The following NOTCH3 variants were observed in gnomAD, a reference collection of about 807,000 sequenced individuals.
The protein encoded by NOTCH3 is notch receptor 3.
Under a neutral mutation model 213.3 loss-of-function variants are expected in NOTCH3, and 86 were observed. That is an observed-to-expected ratio of 0.40 (90% CI 0.34 to 0.48). NOTCH3 has a LOEUF of 0.48. Among genes scored for constraint, NOTCH3 ranks in the 20% least tolerant of loss-of-function variants. NOTCH3 has a pLI of 0.57. For synonymous variants in NOTCH3, 1,354 were observed against 1,355.9 expected, an observed-to-expected ratio of 1.00 and a Z score of 0.03; for missense variants, 2,783 against 3,272.6, an observed-to-expected ratio of 0.85 and a Z score of 3.65.
In NOTCH3 at chr19:15,170,689, G is replaced by T. The variant is rs999453406; in HGVS notation, c.4873C>A (p.Pro1625Thr). Reference protein sequence around the residue: ...SAVERLDFPYPLRDVRGEPLE... With the variant: ...SAVERLDFPYTLRDVRGEPLE... ...GCCGCACCCCGCACGTCCCGCAGTG[G>T]GTACGGGAAGTCCAGGCGCTCCACC... Residue 1625 changes from proline (P) to threonine (T), a missense_variant, in exon 26 of 33, where the codon CCA (proline) becomes ACA (threonine). By Grantham distance (38) the Pro-to-Thr change is conservative. Transcript: ENST00000263388. The T allele has an allele frequency of 6.3e-7, 1 of 1,586,042 alleles. No individual in the cohort carries two copies. The highest frequency in any genetic ancestry group is 1.3e-5 in the African/African-American group (1 of 74,516).
rs559237992 is a variant in NOTCH3, at chr19:15,187,583, C to T, written c.1607-245G>A. Among the ~76,000 whole-genome samples the T allele has an allele frequency of 1.3e-4, 20 of 151,894 alleles. No homozygotes were observed. In the South Asian group the frequency reaches 4.2e-3, roughly 32 times the overall value. On this transcript the variant is annotated intron_variant, in intron 10 of 32. Coordinates refer to ENST00000263388, the MANE Select transcript of NOTCH3 (RefSeq NM_000435.3). ...ATCCCGCCCCCAGCTGTGGCCCCAC[C>T]TCCAGCCCTGTTTCTGCCCCACCCT...
intron 31 of NOTCH3, among the ~76,000 whole-genome samples, chr19:15,163,194 C>G (rs143895632): frequency 6.6e-6 from 1 of 152,264 alleles, no homozygotes. Context: ...CATGAGCCAC[C>G]GTGCCCAACC....
intron 31 of NOTCH3, 34 bp from the exon 32 acceptor site, chr19:15,162,596 G>C (rs201600867): frequency 9.6e-6 from 15 of 1,566,274 alleles, no homozygotes; most frequent in Non-Finnish European, 1.1e-5. Flanking sequence ...TCAGGACCAG[G>C]CACCTGTCCT....
chr19:15,187,711 C>A (rs1408306554), intron 10 of NOTCH3, among the ~76,000 whole-genome samples, 170 bp downstream of exon 10: 2 of 152,128 alleles, frequency 1.3e-5, no homozygotes, highest in Non-Finnish European at 2.9e-5. Context: ...TGGCTCCACA[C>A]GTAGCCTTAT....
chr19:15,179,329 C>T (rs1378895279), intron 21 of NOTCH3, 35 bp downstream of exon 21: 3 of 1,611,080 alleles, frequency 1.9e-6, no homozygotes, highest in Non-Finnish European at 2.5e-6. Context: ...AAGACAGCCT[C>T]TCATCCTGTC....
At chr19:15,177,380 G>T in intron 24 of NOTCH3, 145 bp downstream of exon 24, 1 of 753,178 alleles carries the variant, frequency 1.3e-6, no homozygotes, top group Non-Finnish European at 2.3e-6. Flanking sequence ...GGACAGACAC[G>T]TGGGACACAC....
intron 10 of NOTCH3, 80 bp downstream of exon 10, chr19:15,187,801 C>A: frequency 8.4e-7 from 1 of 1,187,946 alleles, no homozygotes; most frequent in Non-Finnish European, 1.2e-6. Context: ...CCCCCAAGCT[C>A]TCCCCAAGTC....
chr19:15,189,142 C>T lies in NOTCH3; in HGVS notation c.1225G>A (p.Val409Met), dbSNP rs1349902555. 5.0e-6 allele frequency: 8 copies of T among 1,613,252 alleles called. No homozygotes were observed. The highest frequency in any genetic ancestry group is 2.2e-5 in the South Asian group (2 of 91,090). The change falls in exon 8 of 33, where the codon GTG becomes ATG. Residue 409 changes from valine to methionine, a missense_variant. Physicochemically the swap from Val to Met is conservative, Grantham distance 21. This residue lies in a region of NOTCH3 where 708 missense variants were observed against 906.6 expected (regional missense o/e 0.78). Transcript: ENST00000263388. ...CACAGGAAGGAGCCCTGCGTGTTCA[C>T]GCACCTGCCCAAGTGCTCGCAGGGG... ...ANPCEHLGRC[V>M]NTQGSFLCQC...
chr19:15,172,299 CA>C (rs2046740955), intron 25 of NOTCH3, among the ~76,000 whole-genome samples: 1 of 152,304 alleles, frequency 6.6e-6, no homozygotes, highest in South Asian at 2.1e-4. Context: ...GAGTCCCTCT[CA>C]TGGCTTCAAT....
chr19:15,174,476 C>A, intron 24 of NOTCH3, 76 bp from the exon 25 acceptor site: 1 of 1,083,806 alleles, frequency 9.2e-7, no homozygotes, highest in African/African-American at 1.6e-5. Context: ...GCATTCACAC[C>A]GTAGAGTACA....
Position 15,160,655 on chromosome 19 carries a change from G to T in NOTCH3, c.*7C>A. On this transcript the variant is annotated 3_prime_UTR_variant, in exon 33 of 33. Transcript: ENST00000263388. The stretch of plus-strand genomic sequence containing the variant: ...AGGCCCCCAAGATCTAAGAACTGAC[G>T]AGCGTCTCAGGCCAACACTTGCCTC... 1 of 1,610,654 alleles carries T rather than the reference G, an allele frequency of 6.2e-7. No individual in the cohort carries two copies. Among genetic ancestry groups the T allele is most frequent in the South Asian group, 1.1e-5 (1 of 90,956 alleles).
chr19:15,200,818 GC>G lies in NOTCH3; in HGVS notation c.87del (p.Leu30CysfsTer4). On this transcript the variant is annotated frameshift_variant, in exon 1 of 33. Transcript: ENST00000263388. LOFTEE classifies it high-confidence loss of function. ...GCCCCCGGCCCCGCTAGCAGCAGCA[GC>G]AGGGGCAGCGCCCGCACGGGTGGCG... Reference protein sequence around the residue: ...PPPPPVRALPLLLLLAGPGAA... With the variant: ...PPPPPVRALPXLLLLAGPGAA... 1 of 1,243,696 alleles carries G rather than the reference GC, an allele frequency of 8.0e-7. No homozygotes were observed. The highest frequency in any genetic ancestry group is 3.6e-5 in the Admixed American group (1 of 27,974). 77.0% of individuals were successfully genotyped at this position (1,243,696 alleles called of 1,614,324 possible).
intron 2 of NOTCH3, 133 bp downstream of exon 2, chr19:15,197,367 G>A: frequency 1.2e-6 from 1 of 833,996 alleles, no homozygotes; most frequent in Admixed American, 2.0e-5. Context: ...ACGAGAGGTT[G>A]CCCAAGCCAC....
Position 15,185,811 on chromosome 19 carries a change from T to C in NOTCH3, c.1952-132A>G. 1.1e-6 allele frequency: 1 copy of C among 876,142 alleles called. No individual in the cohort carries two copies. Among genetic ancestry groups the C allele is most frequent in the South Asian group, 1.4e-5 (1 of 70,746 alleles). 54.3% of individuals were successfully genotyped at this position (876,142 alleles called of 1,614,324 possible). A position where few individuals can be genotyped will look rare whatever the true frequency, so the allele number is the denominator to read the frequency against. ...CTTTTTCATAACGCATCAGCTCTTG[T>C]GCAGATTAGGACACCCGCCTCCTCA... On this transcript the variant is annotated intron_variant, in intron 12 of 32. Transcript: ENST00000263388. The surrounding 1 kb of genome is among the most constrained non-coding windows in gnomAD (Gnocchi z 4.2).
At chr19:15,181,377 T>C (rs1289529556) in intron 17 of NOTCH3, among the ~76,000 whole-genome samples, 199 bp downstream of exon 17, 3 of 152,140 alleles carry the variant, frequency 2.0e-5, no homozygotes, top group African/African-American at 4.8e-5. Context: ...AGCCATGCCC[T>C]CTCAGGCACC....
chr19:15,169,228 CT>C (rs1369710747), intron 28 of NOTCH3, among the ~76,000 whole-genome samples: 4 of 127,374 alleles, frequency 3.1e-5, no homozygotes, highest in African/African-American at 1.2e-4. Context: ...CTCTCTCTCT[CT>C]CCCCTCTGTG....
Position 15,160,109 on chromosome 19 carries a change from C to T in NOTCH3, c.*553G>A, listed in dbSNP as rs1410206836. ...GTGCCTACTTGGTACATACCTGGGT[C>T]GTGTACTCGGTACACGGGATCCCAG... On this transcript the variant is annotated 3_prime_UTR_variant, in exon 33 of 33. Coordinates refer to ENST00000263388, the MANE Select transcript of NOTCH3 (RefSeq NM_000435.3). 8.5e-6 allele frequency: 2 copies of T among 234,454 alleles called. No homozygotes were observed. Among genetic ancestry groups the T allele is most frequent in the Non-Finnish European group, 1.7e-5 (2 of 118,850 alleles). The allele number at this position is 234,454 out of a possible 1,614,324, so 14.5% of individuals were successfully genotyped here.
intron 2 of NOTCH3, among the ~76,000 whole-genome samples, chr19:15,193,310 C>T (rs1419308357): frequency 1.3e-5 from 2 of 151,756 alleles, no homozygotes; most frequent in Non-Finnish European, 2.9e-5. Context: ...GATCTTGGCT[C>T]ACTGCAACCT....
Position 15,178,555 on chromosome 19 carries a change from T to G in NOTCH3, c.3837+268A>C, listed in dbSNP as rs144199178. On this transcript the variant is annotated intron_variant, in intron 23 of 32. Transcript: ENST00000263388. ...AGCTGCCACTACGCCCGGCTAATTTTTATATTTTTAGTAGAGACGGGGTTT... is the reference window on the plus strand; with the variant it reads ...AGCTGCCACTACGCCCGGCTAATTTGTATATTTTTAGTAGAGACGGGGTTT... 3,384 of 520,178 alleles carry G rather than the reference T, an allele frequency of 6.5e-3. 17 individuals carry two copies. The highest frequency in any genetic ancestry group is 0.018 in the Middle Eastern group (34 of 1,884). 32.2% of individuals were successfully genotyped at this position (520,178 alleles called of 1,614,324 possible).
Sources: allele counts gnomAD v4.1 joint callset (sites outside exome capture counted in the v4.1 genomes callset), GRCh38; gene constraint gnomAD v4.1.1; regional missense constraint gnomAD v4.1.1; non-coding constraint Gnocchi (gnomAD v3.1); transcripts MANE v1.5; gene names NCBI Gene and HGNC (gene_info 2026-07-23, HGNC 2026-07-21).